The following SCFD2 variants were observed in gnomAD, a reference collection of about 807,000 sequenced individuals.
SCFD2 encodes the protein sec1 family domain containing 2, also known as sec1 family domain-containing protein 2.
A neutral mutation model predicts 58.9 loss-of-function variants in SCFD2; 54 were observed. The ratio of observed to expected loss-of-function variants is 0.92; its 90% CI spans 0.74 to 1.15. The LOEUF (loss-of-function observed/expected upper bound fraction) is 1.15, where lower values mean the gene tolerates loss of function less well. Among genes scored for constraint, SCFD2 ranks in the 50% most tolerant of loss-of-function variants. The pLI, the probability that SCFD2 is intolerant of heterozygous loss-of-function variation, is 0.00. For missense variants in SCFD2, 805 were observed against 836.6 expected (o/e 0.96, Z 0.47); for synonymous variants, 321 against 335.9 (o/e 0.96, Z 0.49).
intron 8 of SCFD2, among the ~76,000 whole-genome samples, chr4:52,880,632 GAAAAAGAA>G (rs1718588005): frequency 7.0e-6 from 1 of 143,538 alleles, no homozygotes; most frequent in African/African-American, 2.6e-5. Flanking sequence ...AAAAAAAAAA[GAAAAAGAA>G]AAAAAGAAAA....
At chr4:52,986,374 G>A (rs1009243763) in intron 5 of SCFD2, among the ~76,000 whole-genome samples, 1 of 151,956 alleles carries the variant, frequency 6.6e-6, no homozygotes, top group Non-Finnish European at 1.5e-5. Context: ...AAATTACTCT[G>A]AGCTTGTGAT....
intron 5 of SCFD2, among the ~76,000 whole-genome samples, chr4:52,923,375 G>A (rs1428176806): frequency 1.3e-5 from 2 of 152,054 alleles, no homozygotes; most frequent in African/African-American, 4.8e-5. Flanking sequence ...CTACTTGGGA[G>A]GCTGAGGAAT....
chr4:53,257,867 C>A (rs1730694738), intron 4 of SCFD2, among the ~76,000 whole-genome samples: 2 of 151,626 alleles, frequency 1.3e-5, no homozygotes, highest in Non-Finnish European at 2.9e-5. Flanking sequence ...TGCATGCTCT[C>A]TTTTTTAAAA....
chr4:53,281,091 G>A (rs1431730896), intron 3 of SCFD2, among the ~76,000 whole-genome samples: 1 of 152,166 alleles, frequency 6.6e-6, no homozygotes, highest in Non-Finnish European at 1.5e-5. Flanking sequence ...GATTCGACCT[G>A]ATCTCCATTG....
chr4:52,898,770 A>G (rs1483120797), intron 7 of SCFD2, among the ~76,000 whole-genome samples: 1 of 152,088 alleles, frequency 6.6e-6, no homozygotes, highest in Non-Finnish European at 1.5e-5. Flanking sequence ...GTCTCCCACT[A>G]TTATTGTGTG....
Position 53,127,944 on chromosome 4 carries a change from T to G in SCFD2, c.1561+17389A>C, listed in dbSNP as rs544786730. On this transcript the variant is annotated intron_variant, in intron 5 of 8. Coordinates refer to ENST00000401642, the MANE Select transcript of SCFD2 (RefSeq NM_152540.4). ...TGGAGAGTAATAACCCAGTTTTTTG[T>G]TTTTTTTTTTTTTTAGCCCAATCAT... Among the ~76,000 whole-genome samples the G allele has an allele frequency of 4.1e-3, 540 of 130,322 alleles. 1 individual carries two copies. The highest frequency in any genetic ancestry group is 6.5e-3 in the Non-Finnish European group (407 of 62,192). 85.5% of individuals were successfully genotyped at this position (130,322 alleles called of 152,430 possible).
At chr4:53,350,400 A>C (rs1469383621) in intron 2 of SCFD2, among the ~76,000 whole-genome samples, 5 of 152,216 alleles carry the variant, frequency 3.3e-5, no homozygotes, top group African/African-American at 4.8e-5. Context: ...TGCCTTAAAC[A>C]GGTTTTTCCT....
chr4:52,932,039 G>T (rs1214053533), intron 5 of SCFD2, among the ~76,000 whole-genome samples: 1 of 152,206 alleles, frequency 6.6e-6, no homozygotes, highest in Non-Finnish European at 1.5e-5. Flanking sequence ...TGTGAAGGAT[G>T]ACATCAGGTA....
At chr4:53,313,501 C>T in intron 3 of SCFD2, 135 bp downstream of exon 3, 2 of 932,632 alleles carry the variant, frequency 2.1e-6, no homozygotes, top group Non-Finnish European at 3.3e-6. Context: ...CATATTCCTT[C>T]CCTATTCTTT....
At chr4:53,329,828 A>C (rs1733367445) in intron 2 of SCFD2, among the ~76,000 whole-genome samples, 2 of 151,954 alleles carry the variant, frequency 1.3e-5, no homozygotes, top group Admixed American at 1.3e-4. Context: ...ACCAAAGGCA[A>C]AGAAGTTGAA....
intron 3 of SCFD2, among the ~76,000 whole-genome samples, chr4:53,299,490 C>T (rs892147003): frequency 2.6e-5 from 4 of 152,134 alleles, no homozygotes; most frequent in East Asian, 1.9e-4. Flanking sequence ...CTGAAAGTGA[C>T]AGGGAGAATG....
At chr4:52,941,282 G>A (rs924271621) in intron 5 of SCFD2, among the ~76,000 whole-genome samples, 4 of 152,158 alleles carry the variant, frequency 2.6e-5, no homozygotes, top group Admixed American at 6.5e-5. Flanking sequence ...TATTCTAGCT[G>A]AGGAGACAGA....
chr4:53,118,995 A>G (rs1375708441), intron 5 of SCFD2, among the ~76,000 whole-genome samples: 1 of 152,212 alleles, frequency 6.6e-6, no homozygotes, highest in Non-Finnish European at 1.5e-5. Flanking sequence ...GAAGAGGCCC[A>G]ACATAAACAT....
intron 5 of SCFD2, chr4:52,949,586 T>C (rs1399823889): frequency 6.6e-6 from 1 of 152,192 alleles, no homozygotes; most frequent in Non-Finnish European, 1.5e-5. Flanking sequence ...CAGGAGAGTT[T>C]TTCCTACAGT....
At chr4:53,061,087 C>G (rs1278868995) in intron 5 of SCFD2, among the ~76,000 whole-genome samples, 1 of 152,100 alleles carries the variant, frequency 6.6e-6, no homozygotes, top group Non-Finnish European at 1.5e-5. Flanking sequence ...AAATATAACT[C>G]TTTAAAATAT....
intron 4 of SCFD2, among the ~76,000 whole-genome samples, chr4:53,215,765 T>C (rs1328837396): frequency 6.6e-6 from 1 of 152,148 alleles, no homozygotes; most frequent in Admixed American, 6.5e-5. Flanking sequence ...CCATTCAGTA[T>C]GATATTGGCT....
chr4:53,216,306 T>C (rs1362076886), intron 4 of SCFD2, among the ~76,000 whole-genome samples: 3 of 152,214 alleles, frequency 2.0e-5, no homozygotes, highest in Non-Finnish European at 4.4e-5. Context: ...CGCTATTAAT[T>C]ATTGCCTCAA....
intron 1 of SCFD2, among the ~76,000 whole-genome samples, chr4:53,364,686 A>G (rs1311419402): frequency 6.6e-6 from 1 of 151,934 alleles, no homozygotes. Flanking sequence ...CTTGTGCAGT[A>G]GTTTTCCTTC....
chr4:53,047,187 C>G (rs1723062475), intron 5 of SCFD2, among the ~76,000 whole-genome samples: 1 of 152,156 alleles, frequency 6.6e-6, no homozygotes, highest in Non-Finnish European at 1.5e-5. Context: ...TGGCTGATAA[C>G]CTATAATCCC....
Sources: gnomAD v4.1 joint callset for allele counts (sites outside exome capture counted in the v4.1 genomes callset) on GRCh38, gnomAD v4.1.1 for gene constraint, MANE v1.5 for transcripts, NCBI Gene and HGNC (gene_info 2026-07-23, HGNC 2026-07-21) for gene names.